Variants in RO60 observed in about 807,000 individuals in gnomAD.
RO60 encodes the protein Ro60, Y RNA binding protein.
In RO60, 20 loss-of-function variants were observed where a neutral mutation model predicts 55.3. The observed-to-expected ratio is 0.36, with a 90% confidence interval of 0.25 to 0.53. The LOEUF is 0.53. Among genes scored for constraint, RO60 ranks in the 20% least tolerant of loss-of-function variants. The pLI is 0.92. For missense variants in RO60, 558 were observed against 646.6 expected, an observed-to-expected ratio of 0.86 and a Z score of 1.49; for synonymous variants, 213 against 213.6, an observed-to-expected ratio of 1.00 and a Z score of 0.02.
rs182998694 is a variant in RO60, at chr1:193,066,384, C to A, written c.-21-2650C>A. Among the ~76,000 whole-genome samples, 773 of 152,280 alleles carry A rather than the reference C, an allele frequency of 5.1e-3. 3 individuals carry two copies. Among genetic ancestry groups the A allele is most frequent in the Admixed American group, 0.013 (196 of 15,296 alleles). Reference sequence around the variant, plus strand: ...AAAGAGTAGTCTAGCTGTGAAGTTTCTTCCTCACTGCATATTCTCCTGATC... The same window carrying A: ...AAAGAGTAGTCTAGCTGTGAAGTTTATTCCTCACTGCATATTCTCCTGATC... On this transcript the variant is annotated intron_variant, in intron 1 of 8. Transcript: ENST00000400968.
At chr1:193,071,801 A>G (rs999399755) in intron 2 of RO60, among the ~76,000 whole-genome samples, 56 of 148,346 alleles carry the variant, frequency 3.8e-4, no homozygotes, top group African/African-American at 1.2e-3. Flanking sequence ...ATAGTATAGT[A>G]TGTAATATAT....
In RO60 at chr1:193,076,634, A is replaced by G. The variant is rs200204832; in HGVS notation, c.935A>G (p.Lys312Arg). ...GTATGTGAAAAACTGTGTAATGAAA[A>G]ACTATTAAAAAAGGTAAGCATTATC... ...SLVCEKLCNE[K>R]LLKKARIHPF... is the part of the protein sequence containing the mutation. Residue 312 changes from lysine to arginine, a missense_variant, in exon 4 of 9, where the codon AAA (lysine) becomes AGA (arginine). Physicochemically the swap from Lys to Arg is conservative, Grantham distance 26. Coordinates refer to ENST00000400968, the MANE Select transcript of RO60 (RefSeq NM_001173524.2). The G allele has an allele frequency of 1.7e-4, 273 of 1,600,428 alleles. No individual in the cohort carries two copies. Among genetic ancestry groups the G allele is most frequent in the Non-Finnish European group, 2.2e-4 (259 of 1,175,326 alleles).
intron 2 of RO60, among the ~76,000 whole-genome samples, chr1:193,072,859 C>G (rs1673618471): frequency 6.6e-6 from 1 of 152,198 alleles, no homozygotes; most frequent in African/African-American, 2.4e-5. Flanking sequence ...CCTAAACTTA[C>G]TTCCACACAT....
chr1:193,073,984 A>G (rs1673709406), intron 2 of RO60, among the ~76,000 whole-genome samples: 2 of 148,032 alleles, frequency 1.4e-5, no homozygotes, highest in Non-Finnish European at 3.0e-5. Context: ...GAGAACATGC[A>G]GTGTTTCGTT....
At chr1:193,091,468 G>A (rs1378427155), downstream of RO60, 1 of 557,246 alleles carries the variant, frequency 1.8e-6, no homozygotes, top group Non-Finnish European at 3.1e-6. Flanking sequence ...GAGCTTCCTA[G>A]GTCTGTTGAT....
At position 193,085,631 on chromosome 1, in the gene RO60, C is replaced by A. The variant is rs533240224; in HGVS notation, c.*900C>A. On this transcript the variant is annotated 3_prime_UTR_variant, in exon 9 of 9. Coordinates refer to ENST00000400968, the MANE Select transcript of RO60 (RefSeq NM_001173524.2). Reference sequence around the variant, plus strand: ...ATTCACAAAGTATAACAATTAAAATCTCAACTATAACCAGTTTAGCTTTTT... The same window carrying A: ...ATTCACAAAGTATAACAATTAAAATATCAACTATAACCAGTTTAGCTTTTT... The A allele has an allele frequency of 6.3e-4, 616 of 984,124 alleles. 1 individual carries two copies. The highest frequency in any genetic ancestry group is 6.9e-4 in the Non-Finnish European group (576 of 828,946). 61.0% of individuals were successfully genotyped at this position (984,124 alleles called of 1,614,324 possible). A position where few individuals can be genotyped will look rare whatever the true frequency, so the allele number is the denominator to read the frequency against.
rs201973307 is a variant in RO60 at position 193,069,291 on chromosome 1, A to G, written c.237A>G (p.Ser79=). Residue 79 remains serine (S), a synonymous_variant, in exon 2 of 9, where the codon TCA becomes TCG. Coordinates refer to ENST00000400968, the MANE Select transcript of RO60 (RefSeq NM_001173524.2). The part of the protein sequence containing the change: ...RGCEVIQEIK[S]FSQEGRTTKQ... ...GTGAAGTGATACAAGAAATAAAGTC[A>G]TTTAGTCAAGAAGGCAGAACCACAA... 1,125 of 1,614,098 alleles carry G rather than the reference A, an allele frequency of 7.0e-4. 1 individual carries two copies. The highest frequency in any genetic ancestry group is 9.1e-4 in the Non-Finnish European group (1,078 of 1,180,042).
At position 193,084,835 on chromosome 1, in the gene RO60, T is replaced by G. The variant is rs1183692133; in HGVS notation, c.*104T>G. 4 of 1,526,560 alleles carry G rather than the reference T, an allele frequency of 2.6e-6. No individual in the cohort carries two copies. The highest frequency in any genetic ancestry group is 1.4e-5 in the African/African-American group (1 of 71,582). The allele number at this position is 1,526,560 out of a possible 1,614,324, so 94.6% of individuals were successfully genotyped here. A position where few individuals can be genotyped will look rare whatever the true frequency, so the allele number is the denominator to read the frequency against. On this transcript the variant is annotated 3_prime_UTR_variant, in exon 9 of 9. Transcript: ENST00000400968. ...CTCCACCCAATGAATGATGATGGTA[T>G]AGTATGTGCATAATGGAAAGTTACC...
At chr1:193,073,200 T>G (rs1673642167) in intron 2 of RO60, among the ~76,000 whole-genome samples, 1 of 152,162 alleles carries the variant, frequency 6.6e-6, no homozygotes, top group African/African-American at 2.4e-5. Flanking sequence ...GAAGATATAC[T>G]CACAGGAAAC....
intron 1 of RO60, among the ~76,000 whole-genome samples, chr1:193,065,621 A>G (rs1323966537): frequency 6.6e-6 from 1 of 152,086 alleles, no homozygotes; most frequent in Non-Finnish European, 1.5e-5. Flanking sequence ...TTTGAGAAGC[A>G]TGTTAGTCTT....
chr1:193,070,706 C>T (rs978559575), intron 2 of RO60: 2 of 309,442 alleles, frequency 6.5e-6, no homozygotes, highest in Non-Finnish European at 1.4e-5. Context: ...AATGTCCCAG[C>T]ACCTAACATG....
rs531776433 is a variant in RO60, at chr1:193,071,743, C to T, written c.580+2109C>T. On this transcript the variant is annotated intron_variant, in intron 2 of 8. Coordinates refer to ENST00000400968, the MANE Select transcript of RO60 (RefSeq NM_001173524.2). ...CATGTGCTGATTATATATATATATA[C>T]ACCTATATATTGTATAATATAGTAT... Among the ~76,000 whole-genome samples the T allele has an allele frequency of 6.5e-4, 95 of 146,382 alleles. 1 individual carries two copies. In the Middle Eastern group the frequency reaches 0.011, roughly 17 times the overall value.
At position 193,084,653 on chromosome 1, in the gene RO60, T is replaced by C. The variant is rs372648671; in HGVS notation, c.1539T>C (p.Asp513=). ...GTTTCACCATTGCAGACCCAGATGA[T>C]AGAGGCATGTTGGATATGTGCGGCT... ...SNGFTIADPD[D]RGMLDMCGFD... Residue 513 remains aspartate (D), a synonymous_variant, in exon 9 of 9, where the codon GAT becomes GAC. Transcript: ENST00000400968. 9 of 1,613,896 alleles carry C rather than the reference T, an allele frequency of 5.6e-6. No individual in the cohort carries two copies. In the African/African-American group the frequency reaches 1.1e-4, roughly 19 times the overall value.
At chr1:193,080,842 G>A (rs913706179) in intron 5 of RO60, among the ~76,000 whole-genome samples, 1 of 152,176 alleles carries the variant, frequency 6.6e-6, no homozygotes, top group African/African-American at 2.4e-5. Flanking sequence ...TGGAATAGAA[G>A]TTGCCAGGGG....
chr1:193,067,543 T>C lies in RO60; in HGVS notation c.-21-1491T>C, dbSNP rs1467689671. 5.3e-5 allele frequency among the ~76,000 whole-genome samples: 8 copies of C among 152,180 alleles called. No homozygotes were observed. The East Asian group carries it at 1.4e-3, about 26-fold the overall frequency. On this transcript the variant is annotated intron_variant, in intron 1 of 8. Coordinates refer to ENST00000400968, the MANE Select transcript of RO60 (RefSeq NM_001173524.2). ...AGAAATTGTCTTCATGTCTTACACA[T>C]AGTATGTATTCAGTAAATGCTGGTT...
In RO60 at chr1:193,091,108, C is replaced by T. The variant is rs1021103065; in HGVS notation, c.*6377C>T. On this transcript the variant is annotated 3_prime_UTR_variant, in exon 9 of 9. Coordinates refer to ENST00000400968, the MANE Select transcript of RO60 (RefSeq NM_001173524.2). The stretch of plus-strand genomic sequence containing the variant: ...AACATGATATCCAAGGACCAAGTTG[C>T]ATATTTAACATCGAATGAAAATGTA... 6.6e-6 allele frequency: 1 copy of T among 152,208 alleles called. No homozygotes were observed. Among genetic ancestry groups the T allele is most frequent in the Non-Finnish European group, 1.5e-5 (1 of 68,066 alleles). The allele number at this position is 152,208 out of a possible 1,614,324, so 9.4% of individuals were successfully genotyped here.
chr1:193,085,003 T>C lies in RO60; in HGVS notation c.*272T>C. The C allele has an allele frequency of 2.6e-6, 4 of 1,544,546 alleles. No homozygotes were observed. Among genetic ancestry groups the C allele is most frequent in the Non-Finnish European group, 3.5e-6 (4 of 1,145,208 alleles). On this transcript the variant is annotated 3_prime_UTR_variant, in exon 9 of 9. Coordinates refer to ENST00000400968, the MANE Select transcript of RO60 (RefSeq NM_001173524.2). The stretch of plus-strand genomic sequence containing the variant: ...TTTGTTAACAGACACTGTAAAATAG[T>C]TTTGCTTTGTTGAATAATACGTGTG...
rs1455630969 is a variant in RO60 at position 193,064,163 on chromosome 1, C to T, written c.-22+4387C>T. Among the ~76,000 whole-genome samples, 6 of 152,162 alleles carry T rather than the reference C, an allele frequency of 3.9e-5. No individual in the cohort carries two copies. The East Asian group carries it at 5.8e-4, about 15-fold the overall frequency. On this transcript the variant is annotated intron_variant, in intron 1 of 8. Transcript: ENST00000400968. ...TCACCAAGGATGCTCCACTGAGTAT[C>T]GATGAAGAAAGTTTTTATGAGGTTT...
chr1:193,082,532 T>C, intron 7 of RO60, 30 bp from the exon 8 acceptor site: 1 of 1,610,080 alleles, frequency 6.2e-7, no homozygotes, highest in Non-Finnish European at 8.5e-7. Flanking sequence ...ATTTATTTAC[T>C]TATTTATTCA....
Sources: allele counts gnomAD v4.1 joint callset (sites outside exome capture counted in the v4.1 genomes callset), GRCh38; gene constraint gnomAD v4.1.1; transcripts MANE v1.5; gene names NCBI Gene and HGNC (gene_info 2026-07-23, HGNC 2026-07-21).